Variants in CTBS observed in about 807,000 individuals in gnomAD.
CTBS encodes di-N-acetylchitobiase.
In CTBS, 35 loss-of-function variants were observed where a neutral mutation model predicts 44.3. That is an observed-to-expected ratio of 0.79 (90% CI 0.60 to 1.05). The LOEUF is 1.05. Ranked by LOEUF, CTBS falls within the 50% of genes least tolerant of loss-of-function variation. The probability of loss-of-function intolerance (pLI) is 0.00; values close to 1 mark genes in which losing one functional copy is unlikely to be tolerated. For missense variants in CTBS, 458 were observed against 475.3 expected (o/e 0.96, Z 0.34); for synonymous variants, 143 against 168.0 (o/e 0.85, Z 1.15).
chr1:84,565,761 A>C, intron 4 of CTBS, 80 bp downstream of exon 4: 3 of 815,516 alleles, frequency 3.7e-6, no homozygotes, highest in Non-Finnish European at 4.9e-6. Flanking sequence ...TATAACTTAG[A>C]AATACTAAAA....
chr1:84,562,079 A>T (rs767608935), intron 6 of CTBS, among the ~76,000 whole-genome samples: 47 of 152,252 alleles, frequency 3.1e-4, no homozygotes, highest in Non-Finnish European at 2.1e-4. Flanking sequence ...GTTTCTAAGA[A>T]TGCTGTGAAA....
At chr1:84,558,192 CAT>C (rs762671178) in intron 6 of CTBS, among the ~76,000 whole-genome samples, 2 of 152,016 alleles carry the variant, frequency 1.3e-5, no homozygotes, top group African/African-American at 2.4e-5. Flanking sequence ...TGAGGTAATA[CAT>C]ATGTTAAATA....
chr1:84,563,678 G>A, intron 5 of CTBS, 57 bp downstream of exon 5: 2 of 1,023,864 alleles, frequency 2.0e-6, no homozygotes, highest in Non-Finnish European at 1.4e-6. Flanking sequence ...TGAAAACAGA[G>A]AGACTCTAAA....
At position 84,555,134 on chromosome 1, in the gene CTBS, T is replaced by C. The variant is rs1684390979; in HGVS notation, c.1023A>G (p.Thr341=). 9 of 1,614,014 alleles carry C rather than the reference T, an allele frequency of 5.6e-6. No individual in the cohort carries two copies. Among genetic ancestry groups the C allele is most frequent in the Non-Finnish European group, 7.6e-6 (9 of 1,179,932 alleles). The change falls in exon 7 of 7, where the codon ACA becomes ACG. Residue 341 remains threonine, a synonymous_variant. Transcript: ENST00000370630. ...CCCGTAAGCGATAGTTTTGTATATA[T>C]GTTGCCTTTAAAGAAATACTCTGAG... ...DNPQSISLKA[T]YIQNYRLRGI...
Position 84,569,918 on chromosome 1 carries a change from A to G in CTBS, c.525+13T>C, listed in dbSNP as rs1459967148. 6.2e-7 allele frequency: 1 copy of G among 1,605,214 alleles called. No homozygotes were observed. Among genetic ancestry groups the G allele is most frequent in the Non-Finnish European group, 8.5e-7 (1 of 1,176,406 alleles). On this transcript the variant is annotated intron_variant, in intron 3 of 6. Coordinates refer to ENST00000370630, the MANE Select transcript of CTBS (RefSeq NM_004388.3). ...GAAAATATGAGGTTTCCAAAAAATAAATGAGTTTTTACCTGTGATCCCTCA... is the reference window on the plus strand; with the variant it reads ...GAAAATATGAGGTTTCCAAAAAATAGATGAGTTTTTACCTGTGATCCCTCA...
At chr1:84,561,673 G>A (rs1338921721) in intron 6 of CTBS, among the ~76,000 whole-genome samples, 1 of 152,110 alleles carries the variant, frequency 6.6e-6, no homozygotes. Context: ...TTAAGAAATT[G>A]CCATAGCCAC....
intron 3 of CTBS, 97 bp from the exon 4 acceptor site, chr1:84,566,109 C>A: frequency 1.6e-6 from 1 of 636,592 alleles, no homozygotes; most frequent in Non-Finnish European, 2.3e-6. Flanking sequence ...TTATACTACA[C>A]AAGGAAAAGG....
In CTBS at chr1:84,554,949, CT is replaced by C. The variant is rs775151391; in HGVS notation, c.*49del. 7.0e-7 allele frequency: 1 copy of C among 1,433,106 alleles called. No individual in the cohort carries two copies. Among genetic ancestry groups the C allele is most frequent in the Non-Finnish European group, 9.7e-7 (1 of 1,033,562 alleles). The allele number at this position is 1,433,106 out of a possible 1,614,324, so 88.8% of individuals were successfully genotyped here. On this transcript the variant is annotated 3_prime_UTR_variant, in exon 7 of 7. Coordinates refer to ENST00000370630, the MANE Select transcript of CTBS (RefSeq NM_004388.3). ...ATAATAAAAATGCAAGAAACTAGAT[CT>C]GTTGATACAGATCATCTTTCTAACT...
rs1326135403 is a variant in CTBS, at chr1:84,570,579, T to C, written c.316+3A>G. 4 of 1,605,064 alleles carry C rather than the reference T, an allele frequency of 2.5e-6. No individual in the cohort carries two copies. Among genetic ancestry groups the C allele is most frequent in the African/African-American group, 1.3e-5 (1 of 74,542 alleles). ...TGCACACATAGATCTGGAAACAACA[T>C]ACCTTTAAGTACTACTCTGGCTCCT... On this transcript the variant is annotated splice_donor_region_variant and intron_variant, in intron 2 of 6. Transcript: ENST00000370630.
At chr1:84,568,657 T>C (rs903270801) in intron 3 of CTBS, among the ~76,000 whole-genome samples, 2 of 152,136 alleles carry the variant, frequency 1.3e-5, no homozygotes, top group African/African-American at 2.4e-5. Flanking sequence ...CCAAATCTCA[T>C]GTTGAATCGT....
intron 3 of CTBS, among the ~76,000 whole-genome samples, chr1:84,567,541 T>A (rs1208069123): frequency 6.6e-6 from 1 of 152,202 alleles, no homozygotes; most frequent in Non-Finnish European, 1.5e-5. Flanking sequence ...AATTAAAGCA[T>A]CTGAATTTTT....
intron 5 of CTBS, 113 bp downstream of exon 5, chr1:84,563,622 T>A (rs1476981574): frequency 1.4e-6 from 1 of 694,498 alleles, no homozygotes; most frequent in African/African-American, 1.9e-5. Flanking sequence ...AAATAATTTT[T>A]ATCTCAAACT....
intron 3 of CTBS, among the ~76,000 whole-genome samples, chr1:84,568,048 A>G (rs1251111623): frequency 2.0e-5 from 3 of 152,186 alleles, no homozygotes; most frequent in South Asian, 4.1e-4. Flanking sequence ...TCAGCCTGAC[A>G]TTCTGGATCT....
At position 84,554,819 on chromosome 1, in the gene CTBS, T is replaced by A. The variant is rs1684381142; in HGVS notation, c.*180A>T. ...AGTTGACTTGCTTCTTGCCTTTATGTTCCTGGATACTGAGGACATTCGTGT... is the reference window on the plus strand; with the variant it reads ...AGTTGACTTGCTTCTTGCCTTTATGATCCTGGATACTGAGGACATTCGTGT... On this transcript the variant is annotated 3_prime_UTR_variant, in exon 7 of 7. Coordinates refer to ENST00000370630, the MANE Select transcript of CTBS (RefSeq NM_004388.3). 1.1e-5 allele frequency: 6 copies of A among 538,158 alleles called. No individual in the cohort carries two copies. The Admixed American group carries it at 2.2e-4, about 19-fold the overall frequency. The allele number at this position is 538,158 out of a possible 1,614,324, so 33.3% of individuals were successfully genotyped here.
chr1:84,558,689 C>T (rs984405503), intron 6 of CTBS, among the ~76,000 whole-genome samples: 3 of 151,626 alleles, frequency 2.0e-5, no homozygotes, highest in Admixed American at 6.6e-5. Flanking sequence ...TCACTTGAGG[C>T]CAGGAGTTCA....
chr1:84,568,778 A>T (rs1647207013), intron 3 of CTBS, among the ~76,000 whole-genome samples: 1 of 152,100 alleles, frequency 6.6e-6, no homozygotes. Flanking sequence ...CTGATTGTTT[A>T]AAAGTGTGTG....
intron 1 of CTBS, 156 bp downstream of exon 1, chr1:84,574,083 A>T: frequency 6.9e-7 from 1 of 1,453,284 alleles, no homozygotes; most frequent in Admixed American, 2.8e-5. Context: ...GAGCTTCCTC[A>T]TCTATAAATT....
At chr1:84,574,050 A>T in intron 1 of CTBS, 189 bp downstream of exon 1, 1 of 1,435,922 alleles carries the variant, frequency 7.0e-7, no homozygotes, top group Admixed American at 2.9e-5. Context: ...AGGCCTGAGG[A>T]GTTACTCAAC....
In CTBS at chr1:84,550,254, A is replaced by G. The variant is rs1186686288; in HGVS notation, c.*4745T>C. ...TAGAGAAAGTGTTCCCTAAAATGCAAGAAATCAACAGAAACAAATAGTAAT... is the reference window on the plus strand; with the variant it reads ...TAGAGAAAGTGTTCCCTAAAATGCAGGAAATCAACAGAAACAAATAGTAAT... On this transcript the variant is annotated 3_prime_UTR_variant, in exon 7 of 7. Coordinates refer to ENST00000370630, the MANE Select transcript of CTBS (RefSeq NM_004388.3). 4 of 374,354 alleles carry G rather than the reference A, an allele frequency of 1.1e-5. No homozygotes were observed. The highest frequency in any genetic ancestry group is 1.9e-5 in the Non-Finnish European group (4 of 206,146). 23.2% of individuals were successfully genotyped at this position (374,354 alleles called of 1,614,324 possible). A position where few individuals can be genotyped will look rare whatever the true frequency, so the allele number is the denominator to read the frequency against.
Sources: allele counts gnomAD v4.1 joint callset (sites outside exome capture counted in the v4.1 genomes callset), GRCh38; gene constraint gnomAD v4.1.1; transcripts MANE v1.5; gene names NCBI Gene and HGNC (gene_info 2026-07-23, HGNC 2026-07-21).